Variants in DMD observed in about 807,000 individuals in gnomAD.
DMD encodes mutant dystrophin.
Under a neutral mutation model 330.1 loss-of-function variants are expected in DMD, and 63 were observed. That is an observed-to-expected ratio of 0.19 (90% CI 0.16 to 0.24). The LOEUF is 0.24. DMD is among the 10% of genes least tolerant of loss of function. The probability of loss-of-function intolerance (pLI) is 1.00; values close to 1 mark genes in which losing one functional copy is unlikely to be tolerated. For synonymous variants in DMD, 1,223 were observed against 959.8 expected, an observed-to-expected ratio of 1.27 and a Z score of -5.07; for missense variants, 3,344 against 2,684.1, an observed-to-expected ratio of 1.25 and a Z score of -5.43.
intron 9 of DMD, among the ~76,000 whole-genome samples, chrX:32,648,702 A>C (rs2059934225): frequency 8.9e-6 from 1 of 112,129 alleles, no homozygotes; most frequent in Non-Finnish European, 1.9e-5. Context: ...TTCCATAGAG[A>C]CCTTGGAATA....
intron 1 of DMD, among the ~76,000 whole-genome samples, chrX:33,030,307 C>CA (rs1341476311): frequency 1.8e-5 from 2 of 111,189 alleles, no homozygotes; most frequent in Non-Finnish European, 3.8e-5. Context: ...TGTAAATATG[C>CA]AAAAAATTCA....
chrX:32,855,676 A>C (rs2081492447), intron 2 of DMD, among the ~76,000 whole-genome samples: 2 of 112,246 alleles, frequency 1.8e-5, no homozygotes, highest in Admixed American at 1.9e-4. Context: ...TAAGTGGAAC[A>C]AAGACTTAAA....
chrX:33,021,986 C>G (rs73188280), intron 1 of DMD, among the ~76,000 whole-genome samples: 2,138 of 111,675 alleles, frequency 0.019, 31 homozygotes, highest in South Asian at 0.15. Context: ...AGAAATGGAA[C>G]ATTTCAAATG....
rs189554861 is a variant in DMD at position 32,878,768 on chromosome X, G to C, written c.94-28948C>G. 1.8e-3 allele frequency among the ~76,000 whole-genome samples: 199 copies of C among 109,930 alleles called. 1 individual carries two copies. The highest frequency in any genetic ancestry group is 2.7e-3 in the Non-Finnish European group (144 of 52,745). ...CTCATGCCTGTAAGCCCAACACTTT[G>C]GGAGGCTGAGGCAGGTGGATCACGA... On this transcript the variant is annotated intron_variant, in intron 2 of 78. Coordinates refer to ENST00000357033, the MANE Select transcript of DMD (RefSeq NM_004006.3).
chrX:32,590,105 C>T (rs1037761512), intron 13 of DMD, among the ~76,000 whole-genome samples: 1 of 112,098 alleles, frequency 8.9e-6, no homozygotes, highest in Non-Finnish European at 1.9e-5. Context: ...CTTAATACTA[C>T]CACAAAGTAT....
intron 44 of DMD, among the ~76,000 whole-genome samples, chrX:32,166,056 G>A (rs1018511696): frequency 6.3e-5 from 7 of 110,928 alleles, no homozygotes; most frequent in African/African-American, 2.0e-4. Flanking sequence ...ACCCAATCTC[G>A]GGCAGTTCTT....
chrX:31,863,181 A>C (rs2093738612), intron 48 of DMD, among the ~76,000 whole-genome samples: 1 of 112,115 alleles, frequency 8.9e-6, no homozygotes, highest in Admixed American at 9.4e-5. Context: ...GCCTCTACTA[A>C]AAATACACAA....
intron 61 of DMD, among the ~76,000 whole-genome samples, chrX:31,342,336 C>T (rs1050046182): frequency 2.2e-4 from 25 of 112,093 alleles, no homozygotes; most frequent in African/African-American, 6.2e-4. Flanking sequence ...CAAAGATTCA[C>T]TGTGATCCAT....
At chrX:31,850,789 ATTGT>A (rs934581415) in intron 48 of DMD, among the ~76,000 whole-genome samples, 8 of 112,584 alleles carry the variant, frequency 7.1e-5, no homozygotes, top group Non-Finnish European at 1.5e-4. Context: ...GAATTTTGTC[ATTGT>A]TTGTTACTGC....
chrX:32,791,172 C>A (rs1286335175), intron 7 of DMD, among the ~76,000 whole-genome samples: 5 of 111,535 alleles, frequency 4.5e-5, no homozygotes, highest in African/African-American at 9.8e-5. Flanking sequence ...CAATCTGTTG[C>A]ATCCACCACC....
intron 47 of DMD, among the ~76,000 whole-genome samples, chrX:31,883,411 G>GCT (rs56166014): frequency 5.5e-5 from 6 of 109,246 alleles, no homozygotes; most frequent in African/African-American, 2.0e-4. Flanking sequence ...GATACACTAA[G>GCT]TTTTTTTTAA....
intron 12 of DMD, among the ~76,000 whole-genome samples, chrX:32,605,994 G>C (rs935809302): frequency 3.6e-5 from 4 of 110,378 alleles, no homozygotes; most frequent in Middle Eastern, 4.7e-3. Context: ...GGAGAATTTA[G>C]TATCTATCAC....
At chrX:32,127,391 G>A (rs2096666689) in intron 44 of DMD, among the ~76,000 whole-genome samples, 1 of 111,361 alleles carries the variant, frequency 9.0e-6, no homozygotes, top group African/African-American at 3.3e-5. Context: ...CATCAAGAAG[G>A]ATAAGTCCTC....
chrX:31,569,652 A>ATATACACGTATATATACGTGTATACACG (rs1556698908), intron 55 of DMD, among the ~76,000 whole-genome samples: 3 of 93,205 alleles, frequency 3.2e-5, no homozygotes, highest in East Asian at 3.3e-4. Flanking sequence ...GTATATACGT[A>ATATACACGTATATATACGTGTATACACG]TATATACGTA....
chrX:33,230,709 T>A (rs756016451), intron 1 of DMD, among the ~76,000 whole-genome samples: 1 of 110,989 alleles, frequency 9.0e-6, no homozygotes, highest in Non-Finnish European at 1.9e-5. Flanking sequence ...TTCTTGCTCT[T>A]AATTATTTGT....
chrX:31,146,231 C>T lies in DMD; in HGVS notation c.10921+60G>A, dbSNP rs545317905. The T allele has an allele frequency of 6.3e-5, 74 of 1,167,499 alleles. No homozygotes were observed. In the South Asian group the frequency reaches 1.0e-3, roughly 16 times the overall value. ...CACTTACGGCCAAATATTCATGTCC[C>T]TGTAATACGACTCTACCTTTCTTCA... is the stretch of plus-strand genomic sequence containing the variant. On this transcript the variant is annotated intron_variant, in intron 76 of 78. Coordinates refer to ENST00000357033, the MANE Select transcript of DMD (RefSeq NM_004006.3).
At chrX:31,732,050 G>C (rs756426812) in intron 51 of DMD, among the ~76,000 whole-genome samples, 2 of 111,169 alleles carry the variant, frequency 1.8e-5, no homozygotes, top group African/African-American at 6.5e-5. Context: ...CTGTTCTCTA[G>C]TTGGGTGATT....
chrX:32,352,183 G>A (rs2097783897), intron 37 of DMD, among the ~76,000 whole-genome samples: 1 of 110,354 alleles, frequency 9.1e-6, no homozygotes, highest in Admixed American at 9.7e-5. Context: ...TATAAGCAGA[G>A]ACTAGATGAG....
chrX:32,815,520 T>TATACACACACACAC, intron 6 of DMD, among the ~76,000 whole-genome samples: 6 of 78,957 alleles, frequency 7.6e-5, no homozygotes, highest in Non-Finnish European at 1.2e-4. Context: ...TATATATATA[T>TATACACACACACAC]ACACACACAC....
Sources: allele counts gnomAD v4.1 joint callset (sites outside exome capture counted in the v4.1 genomes callset), GRCh38; gene constraint gnomAD v4.1.1; transcripts MANE v1.5; gene names NCBI Gene and HGNC (gene_info 2026-07-23, HGNC 2026-07-21).